The following GABRG3 variants were observed in gnomAD, a reference collection of about 807,000 sequenced individuals.
GABRG3 encodes gamma-aminobutyric acid type A receptor subunit gamma3.
In GABRG3, 25 loss-of-function variants were observed where a neutral mutation model predicts 48.8. That is an observed-to-expected ratio of 0.51 (90% CI 0.37 to 0.72). The LOEUF is 0.72. Among genes scored for constraint, GABRG3 ranks in the 30% least tolerant of loss-of-function variants. GABRG3 has a pLI of 0.00. For synonymous variants in GABRG3, 227 were observed against 217.6 expected (o/e 1.04, Z -0.38); for missense variants, 394 against 577.9 (o/e 0.68, Z 3.26).
intron 3 of GABRG3, among the ~76,000 whole-genome samples, chr15:27,166,806 A>G (rs1224787475): frequency 6.6e-6 from 1 of 152,238 alleles, no homozygotes; most frequent in Non-Finnish European, 1.5e-5. Context: ...TGCAGGGTGC[A>G]TGTCTCAATG....
chr15:27,295,021 G>A (rs1290617306), intron 3 of GABRG3: 4 of 152,214 alleles, frequency 2.6e-5, no homozygotes, highest in East Asian at 1.9e-4. Context: ...GACAAATGAA[G>A]CACTGGTCAG....
chr15:27,369,806 C>CAAAAAAAAA (rs34901488), intron 5 of GABRG3, among the ~76,000 whole-genome samples: 377 of 30,260 alleles, frequency 0.012, 34 homozygotes, highest in African/African-American at 0.033. Flanking sequence ...GACTCCGTCT[C>CAAAAAAAAA]AAAAAAAAAA....
chr15:27,218,667 C>G (rs897938861), intron 3 of GABRG3, among the ~76,000 whole-genome samples: 7 of 152,262 alleles, frequency 4.6e-5, no homozygotes, highest in South Asian at 2.1e-4. Flanking sequence ...GAGAGTGATT[C>G]TCACATCTCA....
intron 5 of GABRG3, among the ~76,000 whole-genome samples, chr15:27,377,707 GAC>G (rs1895642877): frequency 1.3e-5 from 2 of 152,174 alleles, no homozygotes; most frequent in African/African-American, 4.8e-5. Flanking sequence ...TTTGGGTACA[GAC>G]ACAGCCAAAT....
At chr15:27,446,733 G>A (rs8030501) in intron 5 of GABRG3, among the ~76,000 whole-genome samples, 10,081 of 151,982 alleles carry the variant, frequency 0.066, 761 homozygotes, top group East Asian at 0.29. Context: ...TGATCTCATT[G>A]GACAGGTGTG....
intron 3 of GABRG3, among the ~76,000 whole-genome samples, chr15:27,048,437 C>A (rs1309114524): frequency 6.6e-6 from 1 of 152,168 alleles, no homozygotes; most frequent in Non-Finnish European, 1.5e-5. Flanking sequence ...CAGGAGCCAG[C>A]TGGGAACTCA....
intron 3 of GABRG3, among the ~76,000 whole-genome samples, chr15:27,085,345 C>T (rs1415494687): frequency 2.6e-5 from 4 of 152,202 alleles, no homozygotes; most frequent in African/African-American, 9.6e-5. Flanking sequence ...GGTACACCAG[C>T]TATTTTTTAA....
Position 27,127,865 on chromosome 15 carries a change from C to A in GABRG3, c.270+101044C>A, listed in dbSNP as rs191732898. On this transcript the variant is annotated intron_variant, in intron 3 of 9. Transcript: ENST00000615808. ...CACAGTCGGCAGTAAGAATAGAGAC[C>A]CCCCACTGGTAGGTGTGGAGGGTGG... 3.8e-3 allele frequency among the ~76,000 whole-genome samples: 584 copies of A among 152,206 alleles called. 3 individuals carry two copies. The highest frequency in any genetic ancestry group is 0.013 in the African/African-American group (553 of 41,526).
chr15:27,517,459 G>T (rs1457119326), intron 6 of GABRG3, among the ~76,000 whole-genome samples: 1 of 152,224 alleles, frequency 6.6e-6, no homozygotes, highest in Non-Finnish European at 1.5e-5. Flanking sequence ...TCTGAATTAG[G>T]CAAGGGAGTA....
intron 3 of GABRG3, among the ~76,000 whole-genome samples, chr15:27,147,870 A>G (rs1013385525): frequency 1.1e-4 from 16 of 151,978 alleles, no homozygotes; most frequent in Admixed American, 1.0e-3. Context: ...TTAAAAAGTG[A>G]GATTTCAAAT....
chr15:27,199,274 C>T (rs928781772), intron 3 of GABRG3, among the ~76,000 whole-genome samples: 2 of 152,142 alleles, frequency 1.3e-5, no homozygotes, highest in African/African-American at 4.8e-5. Context: ...GGACGGGATG[C>T]ACTTTTCTTT....
At chr15:27,210,729 C>T (rs976214621) in intron 3 of GABRG3, among the ~76,000 whole-genome samples, 1 of 152,154 alleles carries the variant, frequency 6.6e-6, no homozygotes, top group African/African-American at 2.4e-5. Flanking sequence ...GTGGTGTTCC[C>T]ACAGCTCTGA....
intron 5 of GABRG3, among the ~76,000 whole-genome samples, chr15:27,378,857 A>G (rs1895680113): frequency 6.6e-6 from 1 of 152,186 alleles, no homozygotes; most frequent in Non-Finnish European, 1.5e-5. Context: ...CAGATTGGAG[A>G]GGGGATTATG....
At chr15:27,442,359 A>G (rs990447042) in intron 5 of GABRG3, among the ~76,000 whole-genome samples, 20 of 152,230 alleles carry the variant, frequency 1.3e-4, no homozygotes, top group African/African-American at 4.3e-4. Context: ...AAGATGGGCA[A>G]TGCCTGGGCA....
chr15:27,487,028 A>G (rs532298009), intron 6 of GABRG3, among the ~76,000 whole-genome samples: 37 of 152,292 alleles, frequency 2.4e-4, no homozygotes, highest in African/African-American at 7.9e-4. Context: ...ATTTTTCTGA[A>G]TGCAATCTGG....
At chr15:27,077,956 G>C (rs1280631852) in intron 3 of GABRG3, among the ~76,000 whole-genome samples, 1 of 152,148 alleles carries the variant, frequency 6.6e-6, no homozygotes, top group Non-Finnish European at 1.5e-5. Context: ...CGGGGGTTTG[G>C]GGGAGGTGGC....
intron 3 of GABRG3, among the ~76,000 whole-genome samples, chr15:27,311,303 C>T (rs1892984217): frequency 6.6e-6 from 1 of 152,156 alleles, no homozygotes; most frequent in South Asian, 2.1e-4. Flanking sequence ...AATCCCTGCC[C>T]TTGGCACTGT....
At chr15:27,387,341 G>A (rs112436377) in intron 5 of GABRG3, among the ~76,000 whole-genome samples, 1 of 151,700 alleles carries the variant, frequency 6.6e-6, no homozygotes, top group African/African-American at 2.4e-5. Flanking sequence ...TAAATCTATT[G>A]TTTTAGCAAG....
intron 5 of GABRG3, chr15:27,363,337 AG>A (rs1895084630): frequency 6.6e-6 from 1 of 152,086 alleles, no homozygotes; most frequent in South Asian, 2.1e-4. Context: ...AGTCCCACCC[AG>A]GAGGATTCCA....
Sources: allele counts gnomAD v4.1 joint callset (sites outside exome capture counted in the v4.1 genomes callset), GRCh38; gene constraint gnomAD v4.1.1; transcripts MANE v1.5; gene names NCBI Gene and HGNC (gene_info 2026-07-23, HGNC 2026-07-21).